Variants in LONRF2 observed in about 807,000 individuals in gnomAD.
LONRF2 encodes the protein LON peptidase N-terminal domain and ring finger 2.
LONRF2 carries 35 observed loss-of-function variants against 66.6 expected under a neutral mutation model. That is an observed-to-expected ratio of 0.53 (90% CI 0.40 to 0.70). The LOEUF is 0.70. Ranked by LOEUF, LONRF2 falls within the 30% of genes least tolerant of loss-of-function variation. The pLI, the probability that LONRF2 is intolerant of heterozygous loss-of-function variation, is 0.00. For synonymous variants in LONRF2, 417 were observed against 418.1 expected, an observed-to-expected ratio of 1.00 and a Z score of 0.03; for missense variants, 902 against 1,002.1, an observed-to-expected ratio of 0.90 and a Z score of 1.35.
intron 10 of LONRF2, 32 bp downstream of exon 10, chr2:100,290,226 G>A (rs370082763): frequency 1.3e-6 from 2 of 1,585,052 alleles, no homozygotes; most frequent in African/African-American, 1.4e-5. Context: ...AGGACCGACT[G>A]CTATAAAATA....
At chr2:100,307,995 A>C in intron 2 of LONRF2, among the ~76,000 whole-genome samples, 1 of 152,210 alleles carries the variant, frequency 6.6e-6, no homozygotes, top group East Asian at 1.9e-4. Context: ...AGCTTAGTCC[A>C]ACAAACATCT....
Position 100,302,992 on chromosome 2 carries a change from C to G in LONRF2, c.850G>C (p.Val284Leu). ...AGGCAGTAGAGAAATTCCTTTAACA[C>G]TTCCTTACTTCTTCCCAATCCAGAA... ...ALSGLGRSKE[V>L]LKEFLYCLAL... is the part of the protein sequence containing the mutation. The change falls in exon 3 of 12, where the codon GTG (valine) becomes CTG (leucine). Residue 284 changes from valine (V) to leucine (L), a missense_variant. Val to Leu is a conservative substitution (Grantham distance 32, BLOSUM62 1). Transcript: ENST00000393437. 6.2e-7 allele frequency: 1 copy of G among 1,611,550 alleles called. No individual in the cohort carries two copies. The highest frequency in any genetic ancestry group is 8.5e-7 in the Non-Finnish European group (1 of 1,178,508).
intron 1 of LONRF2, among the ~76,000 whole-genome samples, chr2:100,312,084 A>G (rs1477577833): frequency 6.6e-6 from 1 of 152,182 alleles, no homozygotes; most frequent in Non-Finnish European, 1.5e-5. Flanking sequence ...ACATTTTTCT[A>G]TGATCTGAAA....
At chr2:100,320,720 T>C (rs114766847) in intron 1 of LONRF2, among the ~76,000 whole-genome samples, 447 of 152,308 alleles carry the variant, frequency 2.9e-3, no homozygotes, top group African/African-American at 0.01. Context: ...GCCAAAACGA[T>C]GACAGAAGTT....
intron 1 of LONRF2, among the ~76,000 whole-genome samples, chr2:100,312,030 G>A (rs1402409623): frequency 6.6e-6 from 1 of 151,978 alleles, no homozygotes; most frequent in Admixed American, 6.5e-5. Flanking sequence ...TGATTGTGGT[G>A]TCAAGATTAT....
rs1444306711 is a variant in LONRF2 at position 100,272,577 on chromosome 2, G to A, written c.*11721C>T. The stretch of plus-strand genomic sequence containing the variant: ...GTTAAAAAAAAGAAAAAAAAAGATG[G>A]GAAAGGTATCATAAAGGTGCCAGGA... On this transcript the variant is annotated 3_prime_UTR_variant, in exon 12 of 12. Coordinates refer to ENST00000393437, the MANE Select transcript of LONRF2 (RefSeq NM_198461.4). 6.6e-6 allele frequency among the ~76,000 whole-genome samples: 1 copy of A among 151,846 alleles called. No homozygotes were observed. Among genetic ancestry groups the A allele is most frequent in the African/African-American group, 2.4e-5 (1 of 41,330 alleles).
At position 100,275,556 on chromosome 2, in the gene LONRF2, G is replaced by A. The variant is rs4622752; in HGVS notation, c.*8742C>T. Reference sequence around the variant, plus strand: ...CTCACAGAAATGACAGCCGCCAAAAGGTTTAAATGTTGCTTTAAGAGCCTT... The same window carrying A: ...CTCACAGAAATGACAGCCGCCAAAAAGTTTAAATGTTGCTTTAAGAGCCTT... On this transcript the variant is annotated 3_prime_UTR_variant, in exon 12 of 12. Coordinates refer to ENST00000393437, the MANE Select transcript of LONRF2 (RefSeq NM_198461.4). The A allele has an allele frequency of 0.34, 51,934 of 152,208 alleles. 11,048 individuals carry two copies. Among genetic ancestry groups the A allele is most frequent in the East Asian group, 0.5 (2,571 of 5,178 alleles). The allele number at this position is 152,208 out of a possible 1,614,324, so 9.4% of individuals were successfully genotyped here. A position where few individuals can be genotyped will look rare whatever the true frequency, so the allele number is the denominator to read the frequency against.
intron 11 of LONRF2, among the ~76,000 whole-genome samples, chr2:100,285,583 G>A (rs1397176948): frequency 6.6e-6 from 1 of 152,156 alleles, no homozygotes; most frequent in Non-Finnish European, 1.5e-5. Context: ...TGGGATGGGG[G>A]GATTATCCTG....
rs1674584578 is a variant in LONRF2 at position 100,275,593 on chromosome 2, G to A, written c.*8705C>T. ...GCTTTAAGAGCCTTGCAGCTGTTGTGACTCATTCCTCAATCCGGTGGGATG... is the reference window on the plus strand; with the variant it reads ...GCTTTAAGAGCCTTGCAGCTGTTGTAACTCATTCCTCAATCCGGTGGGATG... On this transcript the variant is annotated 3_prime_UTR_variant, in exon 12 of 12. Transcript: ENST00000393437. 1 of 152,230 alleles carries A rather than the reference G, an allele frequency of 6.6e-6. No homozygotes were observed. Among genetic ancestry groups the A allele is most frequent in the African/African-American group, 2.4e-5 (1 of 41,458 alleles). The allele number at this position is 152,230 out of a possible 1,614,324, so 9.4% of individuals were successfully genotyped here.
At chr2:100,295,211 T>C (rs1412989057) in intron 8 of LONRF2, among the ~76,000 whole-genome samples, 2 of 152,134 alleles carry the variant, frequency 1.3e-5, no homozygotes, top group Non-Finnish European at 2.9e-5. Flanking sequence ...AAAGCAACTA[T>C]ACAATTTTGT....
In LONRF2 at chr2:100,276,142, T is replaced by A. The variant is rs758903361; in HGVS notation, c.*8156A>T. ...TATACTGAAACATTTAACCAAAACATAAAAGGGTGCCTATTGGCTTTTGTG... is the reference window on the plus strand; with the variant it reads ...TATACTGAAACATTTAACCAAAACAAAAAAGGGTGCCTATTGGCTTTTGTG... On this transcript the variant is annotated 3_prime_UTR_variant, in exon 12 of 12. Transcript: ENST00000393437. 1.3e-5 allele frequency: 2 copies of A among 152,122 alleles called. No homozygotes were observed. Among genetic ancestry groups the A allele is most frequent in the Non-Finnish European group, 2.9e-5 (2 of 68,018 alleles). The allele number at this position is 152,122 out of a possible 1,614,324, so 9.4% of individuals were successfully genotyped here. A position where few individuals can be genotyped will look rare whatever the true frequency, so the allele number is the denominator to read the frequency against.
intron 1 of LONRF2, among the ~76,000 whole-genome samples, chr2:100,315,269 T>C (rs1675482230): frequency 6.6e-6 from 1 of 151,416 alleles, no homozygotes; most frequent in Non-Finnish European, 1.5e-5. Flanking sequence ...TCTAAGTATA[T>C]AGTTATGTTT....
chr2:100,308,055 C>A (rs1326321098), intron 2 of LONRF2, among the ~76,000 whole-genome samples: 1 of 152,164 alleles, frequency 6.6e-6, no homozygotes, highest in Non-Finnish European at 1.5e-5. Context: ...CTCAGGCTAA[C>A]CTCAAAGCAT....
chr2:100,314,200 T>C (rs4264577), intron 1 of LONRF2, among the ~76,000 whole-genome samples: 77,043 of 151,930 alleles, frequency 0.51, 19,907 homozygotes, highest in East Asian at 0.76. Context: ...CTTAAGTTGT[T>C]GTACAAACTT....
At chr2:100,291,426 C>T (rs1041406617) in intron 9 of LONRF2, among the ~76,000 whole-genome samples, 2 of 152,048 alleles carry the variant, frequency 1.3e-5, no homozygotes, top group African/African-American at 4.8e-5. Flanking sequence ...GCTCCTCCTC[C>T]CTCCTGCCTT....
chr2:100,289,430 CTTTTTT>C (rs10543662), intron 10 of LONRF2, among the ~76,000 whole-genome samples: 1 of 77,076 alleles, frequency 1.3e-5, no homozygotes, highest in Non-Finnish European at 2.2e-5. Flanking sequence ...ACAATAAGGT[CTTTTTT>C]TTTTTTTTTT....
intron 11 of LONRF2, among the ~76,000 whole-genome samples, 153 bp from the exon 12 acceptor site, chr2:100,284,645 T>C (rs550195740): frequency 5.8e-4 from 88 of 152,176 alleles, no homozygotes; most frequent in Admixed American, 2.0e-3. Flanking sequence ...GCTCTCAAAA[T>C]ACATAGTTTA....
intron 7 of LONRF2, among the ~76,000 whole-genome samples, chr2:100,295,888 T>C (rs575194037): frequency 1.4e-4 from 21 of 152,168 alleles, no homozygotes; most frequent in Non-Finnish European, 2.5e-4. Flanking sequence ...AATGATCAGC[T>C]TGGAAAGTGA....
chr2:100,307,007 G>A (rs1428466008), intron 2 of LONRF2, among the ~76,000 whole-genome samples: 1 of 146,994 alleles, frequency 6.8e-6, no homozygotes, highest in Non-Finnish European at 1.5e-5. Flanking sequence ...TGCAACCTCC[G>A]CCTCCCGGGT....
Sources: allele counts gnomAD v4.1 joint callset (sites outside exome capture counted in the v4.1 genomes callset), GRCh38; gene constraint gnomAD v4.1.1; transcripts MANE v1.5; gene names NCBI Gene and HGNC (gene_info 2026-07-23, HGNC 2026-07-21).